SOX5: variants seen among roughly 807,000 people sequenced by gnomAD.
SOX5 encodes the protein transcription factor SOX-5.
In SOX5, 9 loss-of-function variants were observed where a neutral mutation model predicts 92.0. That is an observed-to-expected ratio of 0.10 (90% CI 0.06 to 0.17). The LOEUF (loss-of-function observed/expected upper bound fraction) is 0.17. SOX5 is among the 10% of genes least tolerant of loss of function. The pLI is 1.00. For synonymous variants in SOX5, 344 were observed against 336.3 expected (o/e 1.02, Z -0.25); for missense variants, 642 against 944.5 (o/e 0.68, Z 4.20).
chr12:23,884,441 A>T (rs191824712), intron 2 of SOX5, among the ~76,000 whole-genome samples: 1 of 152,248 alleles, frequency 6.6e-6, no homozygotes, highest in East Asian at 1.9e-4. Context: ...TATATTGCCC[A>T]ATAGCCTATT....
chr12:24,429,990 C>G (rs1019091770), intron 1 of SOX5, among the ~76,000 whole-genome samples: 1 of 152,118 alleles, frequency 6.6e-6, no homozygotes, highest in African/African-American at 2.4e-5. Flanking sequence ...TTAAGTTATT[C>G]CAAAAGGCAA....
chr12:23,600,522 C>CATATATATATATAT (rs371480644), intron 9 of SOX5, among the ~76,000 whole-genome samples: 2,587 of 39,320 alleles, frequency 0.066, 311 homozygotes, highest in African/African-American at 0.12. Flanking sequence ...GGGGGGGGTG[C>CATATATATATATAT]ATATATATAT....
At chr12:23,738,770 A>G (rs563548345) in intron 5 of SOX5, among the ~76,000 whole-genome samples, 7 of 152,316 alleles carry the variant, frequency 4.6e-5, no homozygotes, top group African/African-American at 1.7e-4. Context: ...CATTTTCTGA[A>G]GCTCCTAGGA....
chr12:24,162,333 A>T (rs765838022), intron 4 of SOX5, among the ~76,000 whole-genome samples: 1 of 152,126 alleles, frequency 6.6e-6, no homozygotes, highest in Non-Finnish European at 1.5e-5. Flanking sequence ...ATTTAAGTAC[A>T]CTTATCTAGT....
At chr12:23,719,171 T>C (rs1379600917) in intron 6 of SOX5, among the ~76,000 whole-genome samples, 1 of 152,210 alleles carries the variant, frequency 6.6e-6, no homozygotes, top group Non-Finnish European at 1.5e-5. Context: ...TCTGTGATTA[T>C]GATTATATGC....
At chr12:24,092,812 T>C (rs972911644) in intron 4 of SOX5, among the ~76,000 whole-genome samples, 2 of 152,210 alleles carry the variant, frequency 1.3e-5, no homozygotes, top group African/African-American at 4.8e-5. Flanking sequence ...CCAAATCTTG[T>C]TCTGGGCATG....
intron 1 of SOX5, among the ~76,000 whole-genome samples, chr12:24,517,224 A>G (rs1357972525): frequency 6.6e-6 from 1 of 152,238 alleles, no homozygotes; most frequent in Non-Finnish European, 1.5e-5. Flanking sequence ...CCAAAGAGGA[A>G]ACATTGTGAA....
At chr12:23,760,658 C>G (rs2094537767) in intron 3 of SOX5, among the ~76,000 whole-genome samples, 1 of 152,068 alleles carries the variant, frequency 6.6e-6, no homozygotes, top group South Asian at 2.1e-4. Flanking sequence ...CATCCTGCCT[C>G]TTTAGGGCCT....
chr12:23,873,428 G>C (rs1330955255), intron 2 of SOX5, among the ~76,000 whole-genome samples: 1 of 152,192 alleles, frequency 6.6e-6, no homozygotes. Flanking sequence ...AGCCAAGATA[G>C]TGCCACTGTA....
chr12:24,460,131 C>A (rs1252928726), intron 1 of SOX5, among the ~76,000 whole-genome samples: 3 of 152,142 alleles, frequency 2.0e-5, no homozygotes, highest in Non-Finnish European at 2.9e-5. Context: ...GCTAGCCTGC[C>A]CTTTCACCTT....
At chr12:24,355,441 A>G (rs531609655) in intron 2 of SOX5, among the ~76,000 whole-genome samples, 1 of 151,646 alleles carries the variant, frequency 6.6e-6, no homozygotes, top group Non-Finnish European at 1.5e-5. Context: ...TGAGGGGTGC[A>G]TCTTCTACAA....
At chr12:24,185,339 A>G (rs895372152) in intron 4 of SOX5, among the ~76,000 whole-genome samples, 5 of 152,108 alleles carry the variant, frequency 3.3e-5, no homozygotes, top group Non-Finnish European at 7.4e-5. Context: ...ATGCACTCCA[A>G]TCCTCTCCCT....
At chr12:24,427,498 T>C (rs945225202) in intron 1 of SOX5, among the ~76,000 whole-genome samples, 6 of 152,238 alleles carry the variant, frequency 3.9e-5, no homozygotes, top group African/African-American at 1.2e-4. Context: ...AAAAATTAGA[T>C]GGCTGAATCC....
Position 23,835,796 on chromosome 12 carries a change from C to T in SOX5, c.481+10187G>A, listed in dbSNP as rs566454058. On this transcript the variant is annotated intron_variant, in intron 3 of 14. Coordinates refer to ENST00000451604, the MANE Select transcript of SOX5 (RefSeq NM_006940.6). ...AATAGCAATAAGTATTGGTTAAGGG[C>T]ATAGATTCTAGTCTAAGGTTGACTT... Among the ~76,000 whole-genome samples the T allele has an allele frequency of 2.0e-5, 3 of 151,812 alleles. No homozygotes were observed. In the South Asian group the frequency reaches 6.2e-4, roughly 31 times the overall value.
chr12:23,961,110 T>A (rs1055724746), intron 4 of SOX5, among the ~76,000 whole-genome samples: 1 of 152,160 alleles, frequency 6.6e-6, no homozygotes, highest in South Asian at 2.1e-4. Context: ...TTCAGATGCC[T>A]GAAAGTTACA....
chr12:24,105,676 T>A (rs1946592738), intron 4 of SOX5, among the ~76,000 whole-genome samples: 1 of 152,248 alleles, frequency 6.6e-6, no homozygotes, highest in African/African-American at 2.4e-5. Flanking sequence ...ACATATGTAG[T>A]TGATAAACTT....
chr12:23,859,124 C>T (rs147104819), intron 2 of SOX5, among the ~76,000 whole-genome samples: 2,864 of 152,170 alleles, frequency 0.019, 85 homozygotes, highest in African/African-American at 0.064. Context: ...TGAAAAAGAA[C>T]AGAATAACAG....
intron 1 of SOX5, among the ~76,000 whole-genome samples, chr12:23,922,051 G>A (rs937825317): frequency 4.6e-5 from 7 of 152,090 alleles, no homozygotes; most frequent in Admixed American, 2.0e-4. Context: ...CGGACTAGCC[G>A]AAACACCAGA....
chr12:24,158,023 G>A (rs1472935122), intron 4 of SOX5, among the ~76,000 whole-genome samples: 1 of 152,002 alleles, frequency 6.6e-6, no homozygotes, highest in African/African-American at 2.4e-5. Context: ...GGAGAGTCTT[G>A]AAGACTCAGG....
Sources: allele counts gnomAD v4.1 joint callset (sites outside exome capture counted in the v4.1 genomes callset), GRCh38; gene constraint gnomAD v4.1.1; transcripts MANE v1.5; gene names NCBI Gene and HGNC (gene_info 2026-07-23, HGNC 2026-07-21).